The following COX10 variants were observed in gnomAD, a reference collection of about 807,000 sequenced individuals.
COX10 encodes the protein protoheme IX farnesyltransferase, mitochondrial.
Under a neutral mutation model 37.3 loss-of-function variants are expected in COX10, and 27 were observed. The observed-to-expected ratio is 0.72, with a 90% CI of 0.53 to 1.00. The LOEUF is 1.00. Among genes scored for constraint, COX10 ranks in the 50% least tolerant of loss-of-function variants. COX10 has a pLI of 0.00. For synonymous variants in COX10, 222 were observed against 229.1 expected (o/e 0.97, Z 0.28); for missense variants, 475 against 563.2 (o/e 0.84, Z 1.59).
chr17:14,193,207 G>A (rs1207104227), intron 6 of COX10, among the ~76,000 whole-genome samples: 4 of 152,210 alleles, frequency 2.6e-5, no homozygotes, highest in East Asian at 1.9e-4. Context: ...CAAGGAAGCC[G>A]GCGGCGCTGC....
chr17:14,116,654 T>TACAC (rs71352451), intron 4 of COX10, among the ~76,000 whole-genome samples: 29,800 of 150,418 alleles, frequency 0.2, 3,472 homozygotes, highest in East Asian at 0.39. Flanking sequence ...TGCATGCATG[T>TACAC]ACACACACAC....
intron 5 of COX10, among the ~76,000 whole-genome samples, chr17:14,174,765 A>C (rs1382176415): frequency 6.6e-6 from 1 of 151,586 alleles, no homozygotes; most frequent in Non-Finnish European, 1.5e-5. Context: ...AATTTACCAT[A>C]CAATCCCATT....
At chr17:14,070,083 A>T (rs1409705222) in intron 1 of COX10, among the ~76,000 whole-genome samples, 1 of 152,212 alleles carries the variant, frequency 6.6e-6, no homozygotes, top group Non-Finnish European at 1.5e-5. Flanking sequence ...GACAACGTTG[A>T]TGATAATGAC....
At chr17:14,082,060 G>T (rs577185300) in intron 3 of COX10, among the ~76,000 whole-genome samples, 1 of 152,326 alleles carries the variant, frequency 6.6e-6, no homozygotes, top group East Asian at 1.9e-4. Flanking sequence ...AGAACCAGGG[G>T]TCTTCAGCAT....
chr17:14,082,858 G>T (rs1480304677), intron 3 of COX10, among the ~76,000 whole-genome samples: 1 of 152,180 alleles, frequency 6.6e-6, no homozygotes, highest in Non-Finnish European at 1.5e-5. Context: ...TCAGAGATCT[G>T]CATGTTTGAT....
chr17:14,128,073 G>T (rs76886505), intron 4 of COX10, among the ~76,000 whole-genome samples: 5 of 151,184 alleles, frequency 3.3e-5, no homozygotes, highest in African/African-American at 1.2e-4. Context: ...AAGTCTAGAC[G>T]TTTTATGTTT....
intron 4 of COX10, among the ~76,000 whole-genome samples, chr17:14,145,671 T>C (rs2142229148): frequency 6.6e-6 from 1 of 152,184 alleles, no homozygotes; most frequent in African/African-American, 2.4e-5. Context: ...TGGACAGCCA[T>C]GGAAGGGTTT....
chr17:14,098,636 G>A (rs1915703738), intron 3 of COX10, among the ~76,000 whole-genome samples: 1 of 152,112 alleles, frequency 6.6e-6, no homozygotes. Context: ...GTCTTTAAAT[G>A]TGTGCAGGTA....
chr17:14,188,335 C>T (rs1776836216), intron 5 of COX10, among the ~76,000 whole-genome samples: 1 of 151,230 alleles, frequency 6.6e-6, no homozygotes, highest in Non-Finnish European at 1.5e-5. Context: ...GGAGATGTAA[C>T]AACACAGAGG....
At chr17:14,096,159 A>G (rs956234430) in intron 3 of COX10, among the ~76,000 whole-genome samples, 1 of 151,900 alleles carries the variant, frequency 6.6e-6, no homozygotes, top group Non-Finnish European at 1.5e-5. Context: ...TCCCACTCCT[A>G]TGATAGTCTA....
chr17:14,119,878 G>A (rs1019926799), intron 4 of COX10, among the ~76,000 whole-genome samples: 1 of 152,142 alleles, frequency 6.6e-6, no homozygotes, highest in African/African-American at 2.4e-5. Context: ...CCATTGTCAT[G>A]CTTTAGAGAG....
intron 5 of COX10, among the ~76,000 whole-genome samples, chr17:14,186,414 C>T (rs1906028636): frequency 6.6e-6 from 1 of 151,926 alleles, no homozygotes; most frequent in Non-Finnish European, 1.5e-5. Flanking sequence ...CTCTCTTCTC[C>T]ACCCTTTCCG....
At chr17:14,127,725 G>A (rs1359544927) in intron 4 of COX10, among the ~76,000 whole-genome samples, 4 of 151,984 alleles carry the variant, frequency 2.6e-5, no homozygotes, top group Admixed American at 6.6e-5. Flanking sequence ...CTGTCTTTTT[G>A]TATTTAAAAA....
chr17:14,174,770 C>A (rs1317393630), intron 5 of COX10, among the ~76,000 whole-genome samples: 4 of 151,346 alleles, frequency 2.6e-5, no homozygotes, highest in Admixed American at 2.6e-4. Flanking sequence ...ACCATACAAT[C>A]CCATTCCTGT....
In COX10 at chr17:14,111,638, A is replaced by T. The variant is rs528256575; in HGVS notation, c.624+9396A>T. Among the ~76,000 whole-genome samples the T allele has an allele frequency of 7.6e-4, 116 of 152,284 alleles. No individual in the cohort carries two copies. In the Middle Eastern group the frequency reaches 0.014, roughly 18 times the overall value. ...ACTTTGATTTCAAGAAAGAAATAAA[A>T]GTCTAATTTAATATTCCATCATTTT... On this transcript the variant is annotated intron_variant, in intron 4 of 6. Coordinates refer to ENST00000261643, the MANE Select transcript of COX10 (RefSeq NM_001303.4).
In COX10 at chr17:14,081,291, C is replaced by T. The variant is rs376080385; in HGVS notation, c.499+4235C>T. 7.2e-5 allele frequency among the ~76,000 whole-genome samples: 11 copies of T among 152,194 alleles called. No homozygotes were observed. The East Asian group carries it at 2.1e-3, about 29-fold the overall frequency. ...ATAGTGGTGGTCAACTGAGAAACGA[C>T]TTGGGCCTGAACTGAGGCTGTGGTG... is the stretch of plus-strand genomic sequence containing the variant. On this transcript the variant is annotated intron_variant, in intron 3 of 6. Coordinates refer to ENST00000261643, the MANE Select transcript of COX10 (RefSeq NM_001303.4).
At chr17:14,199,205 A>T (rs1018941340) in intron 6 of COX10, among the ~76,000 whole-genome samples, 5 of 152,200 alleles carry the variant, frequency 3.3e-5, no homozygotes, top group Non-Finnish European at 7.3e-5. Context: ...ACCATAATTG[A>T]TCACAAGCTT....
chr17:14,163,867 A>G (rs950251235), intron 5 of COX10, among the ~76,000 whole-genome samples: 6 of 151,846 alleles, frequency 4.0e-5, no homozygotes. Context: ...CACAATTTTA[A>G]ATTGTCAGCT....
intron 5 of COX10, among the ~76,000 whole-genome samples, chr17:14,164,227 G>A (rs1905229998): frequency 6.6e-6 from 1 of 152,154 alleles, no homozygotes; most frequent in Non-Finnish European, 1.5e-5. Flanking sequence ...TGTTTGCCAT[G>A]GTATTTCAGA....
Sources: allele counts gnomAD v4.1 joint callset (sites outside exome capture counted in the v4.1 genomes callset), GRCh38; gene constraint gnomAD v4.1.1; transcripts MANE v1.5; gene names NCBI Gene and HGNC (gene_info 2026-07-23, HGNC 2026-07-21).